The following ATP6V1E1 variants were observed in gnomAD, a reference collection of about 807,000 sequenced individuals.
ATP6V1E1 encodes V-type proton ATPase subunit E 1.
A neutral mutation model predicts 35.2 loss-of-function variants in ATP6V1E1; 21 were observed. That is an observed-to-expected ratio of 0.60 (90% CI 0.42 to 0.86). ATP6V1E1 has a LOEUF of 0.86. ATP6V1E1 is among the 40% of genes least tolerant of loss of function. The pLI is 0.00. For synonymous variants in ATP6V1E1, 83 were observed against 87.8 expected, an observed-to-expected ratio of 0.95 and a Z score of 0.30; for missense variants, 183 against 272.6, an observed-to-expected ratio of 0.67 and a Z score of 2.32.
chr22:17,594,286 AG>A (rs552662311), intron 8 of ATP6V1E1, among the ~76,000 whole-genome samples: 76 of 152,340 alleles, frequency 5.0e-4, no homozygotes, highest in African/African-American at 1.8e-3. Context: ...CCTTACATGT[AG>A]TAAAATGTAC....
chr22:17,625,766 T>C (rs2057900931), intron 1 of ATP6V1E1, among the ~76,000 whole-genome samples: 1 of 152,166 alleles, frequency 6.6e-6, no homozygotes, highest in Non-Finnish European at 1.5e-5. Context: ...GCAAGGATTC[T>C]GATTTGTTAG....
chr22:17,605,872 C>G (rs2057784647), intron 4 of ATP6V1E1, among the ~76,000 whole-genome samples: 1 of 151,890 alleles, frequency 6.6e-6, no homozygotes, highest in Non-Finnish European at 1.5e-5. Flanking sequence ...GTTGCCTGGG[C>G]TGGTCTTGAA....
At chr22:17,596,862 T>C (rs1196023078) in intron 7 of ATP6V1E1, among the ~76,000 whole-genome samples, 2 of 152,010 alleles carry the variant, frequency 1.3e-5, no homozygotes, top group Admixed American at 6.6e-5. Flanking sequence ...ATGAATTCAG[T>C]CTCCAGGTCC....
intron 4 of ATP6V1E1, among the ~76,000 whole-genome samples, chr22:17,604,700 G>C (rs1008032700): frequency 6.6e-6 from 1 of 151,702 alleles, no homozygotes. Flanking sequence ...TTTATTTTTA[G>C]TAGAGACAGG....
At chr22:17,596,132 AAAATAAAT>A (rs563541510) in intron 7 of ATP6V1E1, among the ~76,000 whole-genome samples, 11 of 151,882 alleles carry the variant, frequency 7.2e-5, no homozygotes, top group Non-Finnish European at 1.3e-4. Context: ...TCTGTCTCAA[AAAATAAAT>A]AAATAAATAA....
At chr22:17,593,044 T>A (rs2057713029) in intron 8 of ATP6V1E1, among the ~76,000 whole-genome samples, 1 of 152,054 alleles carries the variant, frequency 6.6e-6, no homozygotes, top group South Asian at 2.1e-4. Context: ...CGCCTCGGCC[T>A]CCCACAGTGC....
chr22:17,627,751 G>A (rs1333135506), intron 1 of ATP6V1E1, among the ~76,000 whole-genome samples: 1 of 149,760 alleles, frequency 6.7e-6, no homozygotes, highest in African/African-American at 2.4e-5. Flanking sequence ...AACCCGGGGC[G>A]GAGGTTGCAG....
chr22:17,620,846 G>A lies in ATP6V1E1; in HGVS notation c.34-1320C>T, dbSNP rs530698625. ...TGGGAGGCCGAGGCGGGCGGATCAC[G>A]AGGTCAGGAGATCCAGACCATCCTG... On this transcript the variant is annotated intron_variant, in intron 1 of 8. Coordinates refer to ENST00000253413, the MANE Select transcript of ATP6V1E1 (RefSeq NM_001696.4). 2.0e-5 allele frequency among the ~76,000 whole-genome samples: 3 copies of A among 152,132 alleles called. No individual in the cohort carries two copies. In the South Asian group the frequency reaches 6.2e-4, roughly 32 times the overall value.
chr22:17,626,342 A>C (rs919973397), intron 1 of ATP6V1E1, among the ~76,000 whole-genome samples: 7 of 147,882 alleles, frequency 4.7e-5, no homozygotes, highest in East Asian at 2.0e-4. Flanking sequence ...AGAAAAGAAA[A>C]AGCGGTCTTC....
chr22:17,615,760 C>T (rs1050958440), intron 2 of ATP6V1E1, among the ~76,000 whole-genome samples: 1 of 151,536 alleles, frequency 6.6e-6, no homozygotes, highest in Non-Finnish European at 1.5e-5. Flanking sequence ...TGGCCTGGCG[C>T]GGTAGCTAAC....
chr22:17,609,715 C>T (rs112333501), intron 4 of ATP6V1E1, among the ~76,000 whole-genome samples: 1 of 151,820 alleles, frequency 6.6e-6, no homozygotes, highest in Non-Finnish European at 1.5e-5. Flanking sequence ...GTGATCCGCC[C>T]GCCTCGGCCT....
intron 1 of ATP6V1E1, among the ~76,000 whole-genome samples, chr22:17,622,467 A>G (rs2057882504): frequency 6.6e-6 from 1 of 152,168 alleles, no homozygotes; most frequent in Non-Finnish European, 1.5e-5. Context: ...AAGTATACAT[A>G]GGTGTACCAA....
At position 17,628,676 on chromosome 22, in the gene ATP6V1E1, T is replaced by G. The variant is rs2057940287; in HGVS notation, c.-41A>C. On this transcript the variant is annotated 5_prime_UTR_variant, in exon 1 of 9. Coordinates refer to ENST00000253413, the MANE Select transcript of ATP6V1E1 (RefSeq NM_001696.4). ...AGGCCGGTGAACAGTAGGCTCGAGT[T>G]TAGGTTTGAAAGGTGAGGTGAGAGA... 2 of 1,613,674 alleles carry G rather than the reference T, an allele frequency of 1.2e-6. No homozygotes were observed. The highest frequency in any genetic ancestry group is 3.3e-5 in the Admixed American group (2 of 59,998).
intron 5 of ATP6V1E1, 40 bp from the exon 6 acceptor site, chr22:17,600,135 C>A (rs370896304): frequency 1.9e-6 from 3 of 1,568,014 alleles, no homozygotes; most frequent in African/African-American, 2.7e-5. Flanking sequence ...AAAATGCAAA[C>A]TATAAAATAA....
At chr22:17,594,495 C>G in intron 8 of ATP6V1E1, 34 bp downstream of exon 8, 2 of 1,463,190 alleles carry the variant, frequency 1.4e-6, no homozygotes, top group Non-Finnish European at 1.8e-6. Flanking sequence ...AAAGTAACAG[C>G]AGACCAACTA....
rs201956772 is a variant in ATP6V1E1, at chr22:17,594,621, A to C, written c.531-5T>G. 7 of 599,344 alleles carry C rather than the reference A, an allele frequency of 1.2e-5. No homozygotes were observed. The highest frequency in any genetic ancestry group is 1.5e-5 in the Non-Finnish European group (7 of 462,950). The allele number at this position is 599,344 out of a possible 1,614,324, so 37.1% of individuals were successfully genotyped here. On this transcript the variant is annotated splice_polypyrimidine_tract_variant and splice_region_variant and intron_variant, in intron 7 of 8. Transcript: ENST00000253413. ...TAGATCTCAACTCCACCAGCTCTGC[A>C]AAAAAAAAAGCACAGGAAATAATCA...
intron 4 of ATP6V1E1, among the ~76,000 whole-genome samples, chr22:17,607,182 G>T (rs1410170604): frequency 1.3e-5 from 2 of 150,836 alleles, no homozygotes; most frequent in Admixed American, 1.3e-4. Flanking sequence ...TTTTTGACAT[G>T]AAGTCTCACT....
intron 4 of ATP6V1E1, among the ~76,000 whole-genome samples, chr22:17,602,802 ACT>A (rs1400333334): frequency 6.6e-6 from 1 of 152,170 alleles, no homozygotes; most frequent in African/African-American, 2.4e-5. Context: ...TATAATACAT[ACT>A]CTGTCCCTAA....
chr22:17,611,246 A>C (rs1360219364), intron 4 of ATP6V1E1, among the ~76,000 whole-genome samples: 1 of 152,234 alleles, frequency 6.6e-6, no homozygotes, highest in African/African-American at 2.4e-5. Context: ...GCAAAATAAC[A>C]GTTGTCCTGA....
Sources: gnomAD v4.1 joint callset for allele counts (sites outside exome capture counted in the v4.1 genomes callset) on GRCh38, gnomAD v4.1.1 for gene constraint, MANE v1.5 for transcripts, NCBI Gene and HGNC (gene_info 2026-07-23, HGNC 2026-07-21) for gene names.